The following ARHGEF37 variants were observed in gnomAD, a reference collection of about 807,000 sequenced individuals.
The protein encoded by ARHGEF37 is Rho guanine nucleotide exchange factor 37, also known as Rho guanine nucleotide exchange factor (GEF) 37.
In ARHGEF37, 55 loss-of-function variants were observed where a neutral mutation model predicts 71.1. That is an observed-to-expected ratio of 0.77 (90% CI 0.62 to 0.97). The LOEUF (loss-of-function observed/expected upper bound fraction) is 0.97. Among genes scored for constraint, ARHGEF37 ranks in the 50% least tolerant of loss-of-function variants. ARHGEF37 has a pLI of 0.00. For missense variants in ARHGEF37, 765 were observed against 836.8 expected, an observed-to-expected ratio of 0.91 and a Z score of 1.06; for synonymous variants, 327 against 350.6, an observed-to-expected ratio of 0.93 and a Z score of 0.75.
intron 1 of ARHGEF37, among the ~76,000 whole-genome samples, chr5:149,554,719 A>G (rs1370257026): frequency 6.6e-6 from 1 of 151,498 alleles, no homozygotes; most frequent in African/African-American, 2.4e-5. Flanking sequence ...TCTTAAAGTC[A>G]TGTATCATTT....
At chr5:149,618,871 G>A in intron 6 of ARHGEF37, 67 bp from the exon 7 acceptor site, 1 of 1,331,486 alleles carries the variant, frequency 7.5e-7, no homozygotes, top group South Asian at 1.2e-5. Flanking sequence ...TGAGGACCTG[G>A]AACACTGAAG....
At chr5:149,596,776 A>G (rs1198538389) in intron 1 of ARHGEF37, among the ~76,000 whole-genome samples, 1 of 152,228 alleles carries the variant, frequency 6.6e-6, no homozygotes, top group Non-Finnish European at 1.5e-5. Flanking sequence ...GGAAATGCCA[A>G]TGCAAGTATG....
chr5:149,598,344 CCTCTTCT>C, intron 2 of ARHGEF37, among the ~76,000 whole-genome samples: 1 of 125,692 alleles, frequency 8.0e-6, no homozygotes, highest in East Asian at 2.5e-4. Context: ...TCTTCCTCTT[CCTCTTCT>C]TCTTCCTCTT....
chr5:149,620,087 A>G (rs1752492370), intron 7 of ARHGEF37, among the ~76,000 whole-genome samples: 2 of 149,720 alleles, frequency 1.3e-5, no homozygotes, highest in Non-Finnish European at 3.0e-5. Flanking sequence ...AAAAAAAAAA[A>G]GAAAAAGAAA....
At chr5:149,626,564 T>C (rs1270122610) in intron 10 of ARHGEF37, among the ~76,000 whole-genome samples, 1 of 152,216 alleles carries the variant, frequency 6.6e-6, no homozygotes, top group Non-Finnish European at 1.5e-5. Flanking sequence ...GCCCTGTAAA[T>C]GGCAGGTGCT....
chr5:149,555,638 A>G (rs1438713946), intron 1 of ARHGEF37, among the ~76,000 whole-genome samples: 1 of 152,106 alleles, frequency 6.6e-6, no homozygotes, highest in Non-Finnish European at 1.5e-5. Flanking sequence ...ACTTTCACAC[A>G]TATCATTTGT....
At chr5:149,612,523 T>C (rs111955282) in intron 4 of ARHGEF37, among the ~76,000 whole-genome samples, 2 of 152,330 alleles carry the variant, frequency 1.3e-5, no homozygotes, top group African/African-American at 2.4e-5. Flanking sequence ...CCGTTGAAAT[T>C]GGGATTTATA....
chr5:149,578,532 T>C (rs1187225037), upstream of ARHGEF37, among the ~76,000 whole-genome samples: 1 of 152,192 alleles, frequency 6.6e-6, no homozygotes, highest in Non-Finnish European at 1.5e-5. Context: ...CAAACACTTA[T>C]TCAGCACCTA....
intron 10 of ARHGEF37, among the ~76,000 whole-genome samples, chr5:149,624,900 GT>G (rs70973533): frequency 3.0e-4 from 40 of 134,046 alleles, no homozygotes; most frequent in South Asian, 2.3e-3. Flanking sequence ...ATGCTTTTGG[GT>G]TTTTTTTTTT....
At chr5:149,616,915 A>G in intron 5 of ARHGEF37, 149 bp downstream of exon 5, 1 of 789,836 alleles carries the variant, frequency 1.3e-6, no homozygotes, top group South Asian at 2.0e-5. Flanking sequence ...GTAGGGTTCG[A>G]TCAGGGTGCT....
In ARHGEF37 at chr5:149,552,218, C is replaced by CAAA. The variant is rs58298279; in HGVS notation, c.-12+119_-12+121dup. 380 of 72,732 alleles carry CAAA rather than the reference C, an allele frequency of 5.2e-3. 20 individuals carry two copies. The East Asian group carries it at 0.068, about 13-fold the overall frequency. 4.5% of individuals were successfully genotyped at this position (72,732 alleles called of 1,614,324 possible). On this transcript the variant is annotated intron_variant, in intron 1 of 2. Coordinates refer to the ARHGEF37 transcript ENST00000505810. Reference sequence around the variant, plus strand: ...AACTGTTATGTCCCCTCAACCCCACCAAAAAAAAAAAAAAAAAAAAAAAAA... The same window carrying CAAA: ...AACTGTTATGTCCCCTCAACCCCACCAAAAAAAAAAAAAAAAAAAAAAAAAAAA...
chr5:149,604,187 C>G (rs931054895), intron 3 of ARHGEF37, among the ~76,000 whole-genome samples: 7 of 152,118 alleles, frequency 4.6e-5, no homozygotes, highest in African/African-American at 1.7e-4. Flanking sequence ...GCCACAGAGC[C>G]AAAATGTTAC....
chr5:149,584,798 T>C (rs1014130623), intron 1 of ARHGEF37, among the ~76,000 whole-genome samples: 1 of 152,088 alleles, frequency 6.6e-6, no homozygotes, highest in Non-Finnish European at 1.5e-5. Context: ...ATTTTTGTAT[T>C]TTTAGTAGAG....
chr5:149,620,829 C>CAAAAAAAAA (rs66996935), intron 8 of ARHGEF37, among the ~76,000 whole-genome samples: 54 of 144,840 alleles, frequency 3.7e-4, no homozygotes, highest in African/African-American at 5.6e-4. Context: ...GACTCCTTCT[C>CAAAAAAAAA]AAAAAAAGAA....
At chr5:149,628,686 C>A in intron 11 of ARHGEF37, 123 bp from the exon 12 acceptor site, 1 of 1,303,402 alleles carries the variant, frequency 7.7e-7, no homozygotes, top group Non-Finnish European at 1.0e-6. Context: ...TCCTAGATGA[C>A]CTTTTGGTTC....
At chr5:149,575,657 G>A (rs1458970435) in intron 1 of ARHGEF37, among the ~76,000 whole-genome samples, 1 of 149,178 alleles carries the variant, frequency 6.7e-6, no homozygotes, top group African/African-American at 2.5e-5. Context: ...TTCTGTCACT[G>A]CAACCAAATG....
chr5:149,586,647 G>T (rs1763249245), intron 1 of ARHGEF37, among the ~76,000 whole-genome samples: 1 of 152,230 alleles, frequency 6.6e-6, no homozygotes, highest in Non-Finnish European at 1.5e-5. Flanking sequence ...GAGAAAGGTG[G>T]TGGAGGTTTA....
chr5:149,625,242 A>G (rs986819440), intron 10 of ARHGEF37, among the ~76,000 whole-genome samples: 2 of 152,320 alleles, frequency 1.3e-5, no homozygotes, highest in Middle Eastern at 3.4e-3. Context: ...CCTTTAAAAT[A>G]TAAGGAGAGG....
chr5:149,618,622 A>G (rs1005213078), intron 6 of ARHGEF37, among the ~76,000 whole-genome samples: 1 of 152,170 alleles, frequency 6.6e-6, no homozygotes, highest in African/African-American at 2.4e-5. Context: ...CTGCTCTGAA[A>G]CCAAGCATGC....
Sources: allele counts gnomAD v4.1 joint callset (sites outside exome capture counted in the v4.1 genomes callset), GRCh38; gene constraint gnomAD v4.1.1; transcripts MANE v1.5; gene names NCBI Gene and HGNC (gene_info 2026-07-23, HGNC 2026-07-21).